The following TRIM35 variants were observed in gnomAD, a reference collection of about 807,000 sequenced individuals.
The protein encoded by TRIM35 is E3 ubiquitin-protein ligase TRIM35.
Under a neutral mutation model 49.1 loss-of-function variants are expected in TRIM35, and 37 were observed. The observed-to-expected ratio is 0.75, with a 90% CI of 0.58 to 0.99. The LOEUF is 0.99. Ranked by LOEUF, TRIM35 falls within the 50% of genes least tolerant of loss-of-function variation. The pLI is 0.00. For missense variants in TRIM35, 648 were observed against 702.7 expected (o/e 0.92, Z 0.88); for synonymous variants, 302 against 289.3 (o/e 1.04, Z -0.45).
At position 27,300,073 on chromosome 8, in the gene TRIM35, A is replaced by G. The variant is rs75386674; in HGVS notation, c.436-1514T>C. ...GATGGTAGCCAGCTGCCCATGTGGT[A>G]ATTTGCCCTGGGAGTGACTGCTGGG... On this transcript the variant is annotated intron_variant, in intron 1 of 5. Transcript: ENST00000305364. 1.6e-3 allele frequency among the ~76,000 whole-genome samples: 241 copies of G among 152,268 alleles called. 2 individuals are homozygous for G. In the East Asian group the frequency reaches 0.021, roughly 13 times the overall value.
intron 2 of TRIM35, 43 bp from the exon 3 acceptor site, chr8:27,294,353 G>A (rs763657180): frequency 1.3e-6 from 2 of 1,572,024 alleles, no homozygotes; most frequent in South Asian, 1.2e-5. Flanking sequence ...GATGTGGAGA[G>A]GACATCCATA....
intron 1 of TRIM35, among the ~76,000 whole-genome samples, chr8:27,307,452 A>G (rs2130319715): frequency 6.6e-6 from 1 of 152,152 alleles, no homozygotes; most frequent in South Asian, 2.1e-4. Context: ...CCTCCCCCTT[A>G]CAATCTCCCA....
In TRIM35 at chr8:27,298,488, A is replaced by T. The variant is rs1454839515; in HGVS notation, c.507T>A (p.Tyr169Ter). Residue 169 changes from tyrosine to a stop codon, truncating the protein, a stop_gained, in exon 2 of 6, where the codon TAT becomes TAA. Transcript: ENST00000305364. LOFTEE classifies it high-confidence loss of function. The stretch of plus-strand genomic sequence containing the variant: ...CCTGATTGTGCTTGGCGATGGCCTC[A>T]TAGGAGCGCCGCATGGCCCAGAAGG... The part of the protein sequence containing the change: ...AKAFWAMRRS[Y>*]EAIAKHNQVE... 1.2e-6 allele frequency: 2 copies of T among 1,614,232 alleles called. No individual in the cohort carries two copies. The highest frequency in any genetic ancestry group is 4.5e-5 in the East Asian group (2 of 44,888).
Position 27,287,330 on chromosome 8 carries a change from C to T in TRIM35, c.*220G>A. The T allele has an allele frequency of 1.9e-6, 1 of 532,216 alleles. No individual in the cohort carries two copies. Among genetic ancestry groups the T allele is most frequent in the South Asian group, 2.9e-5 (1 of 34,290 alleles). 33.0% of individuals were successfully genotyped at this position (532,216 alleles called of 1,614,324 possible). On this transcript the variant is annotated 3_prime_UTR_variant, in exon 6 of 6. Transcript: ENST00000305364. The surrounding 1 kb of genome is among the most constrained non-coding windows in gnomAD (Gnocchi z 6.0). ...GGTGCCACGACTCGGGAGAGCCTGG[C>T]CAGCGAGGTGCCACCCGAATAGCTC...
intron 1 of TRIM35, among the ~76,000 whole-genome samples, chr8:27,301,698 T>C (rs1802685654): frequency 6.6e-6 from 1 of 152,134 alleles, no homozygotes; most frequent in Non-Finnish European, 1.5e-5. Flanking sequence ...TCTTTTCCTT[T>C]AGGATTAGTA....
intron 3 of TRIM35, among the ~76,000 whole-genome samples, chr8:27,291,185 T>C (rs557146635): frequency 6.7e-6 from 1 of 148,864 alleles, no homozygotes; most frequent in African/African-American, 2.5e-5. Context: ...GTATCTAGAC[T>C]ATATAAAGAA....
At chr8:27,289,050 G>C in intron 5 of TRIM35, 112 bp downstream of exon 5, 1 of 756,918 alleles carries the variant, frequency 1.3e-6, no homozygotes, top group South Asian at 1.7e-5. Flanking sequence ...AGAGAGGAGG[G>C]GAGCTCTGAG....
Position 27,285,398 on chromosome 8 carries a change from C to G in TRIM35, c.*2152G>C, listed in dbSNP as rs944689583. 2 of 152,168 alleles carry G rather than the reference C, an allele frequency of 1.3e-5. No homozygotes were observed. The highest frequency in any genetic ancestry group is 2.9e-5 in the Non-Finnish European group (2 of 68,038). The allele number at this position is 152,168 out of a possible 1,614,324, so 9.4% of individuals were successfully genotyped here. A position where few individuals can be genotyped will look rare whatever the true frequency, so the allele number is the denominator to read the frequency against. ...ATGAAAACATATGTCCACACAAAAA[C>G]TCATACACAAAAGTTCCTAGCAGCA... is the stretch of plus-strand genomic sequence containing the variant. On this transcript the variant is annotated 3_prime_UTR_variant, in exon 6 of 6. Transcript: ENST00000305364.
At chr8:27,307,080 G>A (rs1802800886) in intron 1 of TRIM35, among the ~76,000 whole-genome samples, 1 of 152,110 alleles carries the variant, frequency 6.6e-6, no homozygotes, top group Non-Finnish European at 1.5e-5. Context: ...ATGCATACTT[G>A]TTCAAGTTTG....
intron 2 of TRIM35, among the ~76,000 whole-genome samples, chr8:27,297,166 C>A (rs147919276): frequency 1.9e-3 from 296 of 152,238 alleles, no homozygotes; most frequent in African/African-American, 5.9e-3. Context: ...AACTCCACAG[C>A]CAAATGTTAA....
At position 27,294,824 on chromosome 8, in the gene TRIM35, T is replaced by G. The variant is rs1048921994; in HGVS notation, c.532-514A>C. On this transcript the variant is annotated intron_variant, in intron 2 of 5. Coordinates refer to ENST00000305364, the MANE Select transcript of TRIM35 (RefSeq NM_171982.5). ...CAAATCACAACCACAAAAAGTTTGT[T>G]TTTTTTTTTCTTTTTGAGACTAAGT... Among the ~76,000 whole-genome samples the G allele has an allele frequency of 4.0e-4, 14 of 35,166 alleles. No individual in the cohort carries two copies. In the East Asian group the frequency reaches 5.6e-3, roughly 14 times the overall value. 23.1% of individuals were successfully genotyped at this position (35,166 alleles called of 152,430 possible). A position where few individuals can be genotyped will look rare whatever the true frequency, so the allele number is the denominator to read the frequency against.
At chr8:27,306,208 T>C (rs186912315) in intron 1 of TRIM35, among the ~76,000 whole-genome samples, 1 of 152,238 alleles carries the variant, frequency 6.6e-6, no homozygotes. Flanking sequence ...GATGTTTTCA[T>C]TTAATGGCAA....
At chr8:27,292,770 G>C (rs962391293) in intron 3 of TRIM35, among the ~76,000 whole-genome samples, 2 of 152,156 alleles carry the variant, frequency 1.3e-5, no homozygotes, top group East Asian at 3.9e-4. Flanking sequence ...TGTCGTGATG[G>C]TTGCACAACT....
In TRIM35 at chr8:27,302,336, A is replaced by G. The variant is rs372670465; in HGVS notation, c.436-3777T>C. Among the ~76,000 whole-genome samples, 198 of 152,304 alleles carry G rather than the reference A, an allele frequency of 1.3e-3. 8 individuals carry two copies. In the South Asian group the frequency reaches 0.04, roughly 31 times the overall value. On this transcript the variant is annotated intron_variant, in intron 1 of 5. Transcript: ENST00000305364. ...CTCTCAACGAAGTATATTTTTCCCT[A>G]TCAGAGTTTTGCGTATCTTTTATTA...
At chr8:27,291,371 C>A (rs1367061458) in intron 3 of TRIM35, among the ~76,000 whole-genome samples, 1 of 152,126 alleles carries the variant, frequency 6.6e-6, no homozygotes, top group East Asian at 1.9e-4. Flanking sequence ...CCACTTCACA[C>A]CTACAAGGAT....
chr8:27,302,306 G>C (rs1802696175), intron 1 of TRIM35, among the ~76,000 whole-genome samples: 1 of 152,134 alleles, frequency 6.6e-6, no homozygotes, highest in Admixed American at 6.5e-5. Flanking sequence ...AATGTTCTTT[G>C]ATAGCTCTCA....
At chr8:27,291,095 C>T (rs184005120) in intron 3 of TRIM35, among the ~76,000 whole-genome samples, 1 of 135,156 alleles carries the variant, frequency 7.4e-6, no homozygotes, top group African/African-American at 2.7e-5. Flanking sequence ...GTTGGACTAA[C>T]CCTTACTATA....
intron 1 of TRIM35, chr8:27,304,704 T>G: frequency 2.5e-6 from 1 of 393,390 alleles, no homozygotes; most frequent in Non-Finnish European, 5.0e-6. Flanking sequence ...GATGTTCAGT[T>G]AACCACCTGC....
At chr8:27,291,626 T>C (rs1299631817) in intron 3 of TRIM35, among the ~76,000 whole-genome samples, 1 of 152,248 alleles carries the variant, frequency 6.6e-6, no homozygotes, top group East Asian at 1.9e-4. Flanking sequence ...TTATTCATAA[T>C]AGCCAAAATA....
Sources: allele counts gnomAD v4.1 joint callset (sites outside exome capture counted in the v4.1 genomes callset), GRCh38; gene constraint gnomAD v4.1.1; non-coding constraint Gnocchi (gnomAD v3.1); transcripts MANE v1.5; gene names NCBI Gene and HGNC (gene_info 2026-07-23, HGNC 2026-07-21).